The following PKHD1L1 variants were observed in gnomAD, a reference collection of about 807,000 sequenced individuals.
PKHD1L1 encodes PKHD1 like 1.
Under a neutral mutation model 462.9 loss-of-function variants are expected in PKHD1L1, and 434 were observed. The observed-to-expected ratio is 0.94, with a 90% confidence interval of 0.87 to 1.02. The LOEUF (loss-of-function observed/expected upper bound fraction) is 1.02, where lower values mean the gene tolerates loss of function less well. PKHD1L1 is among the 50% of genes least tolerant of loss of function. PKHD1L1 has a pLI of 0.00. For synonymous variants in PKHD1L1, 1,781 were observed against 1,750.0 expected, an observed-to-expected ratio of 1.02 and a Z score of -0.44; for missense variants, 5,202 against 5,096.1, an observed-to-expected ratio of 1.02 and a Z score of -0.63.
At chr8:109,440,548 A>G (rs1392519149) in intron 32 of PKHD1L1, among the ~76,000 whole-genome samples, 162 bp from the exon 33 acceptor site, 6 of 152,106 alleles carry the variant, frequency 3.9e-5, no homozygotes, top group Non-Finnish European at 8.8e-5. Flanking sequence ...CATCCAATCA[A>G]ATCGAGATTA....
rs753054503 is a variant in PKHD1L1 at position 109,480,065 on chromosome 8, G to A, written c.9253G>A (p.Asp3085Asn). The A allele has an allele frequency of 1.3e-6, 2 of 1,589,314 alleles. No individual in the cohort carries two copies. Among genetic ancestry groups the A allele is most frequent in the Non-Finnish European group, 1.7e-6 (2 of 1,167,976 alleles). Residue 3085 changes from aspartate to asparagine, a missense_variant, in exon 55 of 78, where the codon GAT becomes AAT. By Grantham distance (23) the Asp-to-Asn change is conservative (BLOSUM62 1). Transcript: ENST00000378402. ...TATTTGGGGGGTTCTAGAACTGGAA[G>A]ATAAATACAATGTAGGAGCTGCAGA... Reference protein sequence around the residue: ...LIIWGVLELEDKYNVGAAESS... With the variant: ...LIIWGVLELENKYNVGAAESS...
At chr8:109,419,531 G>A (rs1814359719) in intron 22 of PKHD1L1, among the ~76,000 whole-genome samples, 1 of 152,002 alleles carries the variant, frequency 6.6e-6, no homozygotes, top group South Asian at 2.1e-4. Flanking sequence ...AATACACTAT[G>A]TCAAACATTT....
intron 2 of PKHD1L1, among the ~76,000 whole-genome samples, chr8:109,375,329 T>C (rs190365434): frequency 1.3e-5 from 2 of 152,220 alleles, no homozygotes; most frequent in African/African-American, 2.4e-5. Context: ...ACGTAGTTCT[T>C]GTGCCATGGT....
intron 21 of PKHD1L1, among the ~76,000 whole-genome samples, chr8:109,414,251 A>G (rs1343625529): frequency 6.6e-6 from 1 of 152,178 alleles, no homozygotes; most frequent in East Asian, 1.9e-4. Flanking sequence ...TTTCTATTTT[A>G]TACAGTACTC....
At chr8:109,474,553 C>T (rs1434717723) in intron 50 of PKHD1L1, among the ~76,000 whole-genome samples, 1 of 152,066 alleles carries the variant, frequency 6.6e-6, no homozygotes, top group Non-Finnish European at 1.5e-5. Flanking sequence ...TAAATCAAAA[C>T]ACCATTAAAG....
At chr8:109,510,119 C>G (rs989159806) in intron 70 of PKHD1L1, among the ~76,000 whole-genome samples, 1 of 152,064 alleles carries the variant, frequency 6.6e-6, no homozygotes, top group African/African-American at 2.4e-5. Flanking sequence ...CTCTAATAGT[C>G]ATAACTGTCA....
intron 41 of PKHD1L1, 106 bp from the exon 42 acceptor site, chr8:109,452,018 C>T: frequency 2.0e-6 from 2 of 977,144 alleles, no homozygotes; most frequent in Non-Finnish European, 1.4e-6. Flanking sequence ...CTGATAGAAT[C>T]AGGTCATTTT....
Position 109,526,942 on chromosome 8 carries a change from G to C in PKHD1L1, c.12643G>C (p.Val4215Leu), listed in dbSNP as rs1469060344. Reference protein sequence around the residue: ...VGTYAQIMTVVISCLVGRMWL... With the variant: ...VGTYAQIMTVLISCLVGRMWL... ...TACATATGCCCAGATAATGACTGTAGTAATTAGCTGTCTGGTTGGAAGAAT... is the reference window on the plus strand; with the variant it reads ...TACATATGCCCAGATAATGACTGTACTAATTAGCTGTCTGGTTGGAAGAAT... The change falls in exon 77 of 78, where the codon GTA becomes CTA. Residue 4215 changes from valine (V) to leucine (L), a missense_variant. By Grantham distance (32) the Val-to-Leu change is conservative (BLOSUM62 1). Coordinates refer to ENST00000378402, the MANE Select transcript of PKHD1L1 (RefSeq NM_177531.6). 1 of 1,613,846 alleles carries C rather than the reference G, an allele frequency of 6.2e-7. No homozygotes were observed.
Position 109,476,537 on chromosome 8 carries a change from C to T in PKHD1L1, c.8787C>T (p.Asn2929=). Residue 2929 remains asparagine, a synonymous_variant, in exon 52 of 78, where the codon AAC becomes AAT. Coordinates refer to ENST00000378402, the MANE Select transcript of PKHD1L1 (RefSeq NM_177531.6). ...AAGACTATGTAATTATATCACATAA[C>T]TTCACTCAAAATCCTGACATGTTTA... ...KEEDYVIISH[N]FTQNPDMFNI... is the part of the protein sequence containing the mutation. 6.6e-7 allele frequency: 1 copy of T among 1,515,396 alleles called. No individual in the cohort carries two copies. Among genetic ancestry groups the T allele is most frequent in the Non-Finnish European group, 9.0e-7 (1 of 1,109,934 alleles). 93.9% of individuals were successfully genotyped at this position (1,515,396 alleles called of 1,614,324 possible).
chr8:109,470,426 A>C (rs1444913785), intron 50 of PKHD1L1: 1 of 1,598,232 alleles, frequency 6.3e-7, no homozygotes, highest in Non-Finnish European at 8.5e-7. Context: ...ACTGATAAGA[A>C]AGGCAAATCA....
At chr8:109,473,915 G>A (rs1455467456) in intron 50 of PKHD1L1, among the ~76,000 whole-genome samples, 1 of 152,128 alleles carries the variant, frequency 6.6e-6, no homozygotes, top group Admixed American at 6.6e-5. Context: ...ACCTCACTGA[G>A]CAAGCACTTT....
chr8:109,434,379 CAA>C (rs766756268), intron 28 of PKHD1L1, among the ~76,000 whole-genome samples: 8 of 132,768 alleles, frequency 6.0e-5, no homozygotes, highest in Admixed American at 1.5e-4. Flanking sequence ...GGTCACATTT[CAA>C]AAAAAAAAAA....
At chr8:109,375,540 G>A (rs1189865144) in intron 2 of PKHD1L1, among the ~76,000 whole-genome samples, 1 of 152,144 alleles carries the variant, frequency 6.6e-6, no homozygotes, top group African/African-American at 2.4e-5. Context: ...TCCGTTGCTG[G>A]TGAGGAGCTG....
At chr8:109,526,734 A>G (rs1423116493) in intron 76 of PKHD1L1, 50 bp from the exon 77 acceptor site, 1 of 1,439,184 alleles carries the variant, frequency 6.9e-7, no homozygotes, top group Non-Finnish European at 9.5e-7. Context: ...CGGTATGAAA[A>G]CAAGTAAAAC....
intron 24 of PKHD1L1, among the ~76,000 whole-genome samples, chr8:109,426,324 A>G (rs1324434105): frequency 6.6e-6 from 1 of 152,048 alleles, no homozygotes; most frequent in Non-Finnish European, 1.5e-5. Context: ...CTGACACTAA[A>G]AGGATTTTAT....
In PKHD1L1 at chr8:109,438,347, T is replaced by C; in HGVS notation, c.3651T>C (p.Ile1217=). 6.5e-7 allele frequency: 1 copy of C among 1,529,174 alleles called. No homozygotes were observed. Among genetic ancestry groups the C allele is most frequent in the Non-Finnish European group, 8.8e-7 (1 of 1,131,538 alleles). 94.7% of individuals were successfully genotyped at this position (1,529,174 alleles called of 1,614,324 possible). Residue 1217 remains isoleucine, a synonymous_variant, in exon 31 of 78, where the codon ATT becomes ATC. Coordinates refer to ENST00000378402, the MANE Select transcript of PKHD1L1 (RefSeq NM_177531.6). ...TPKKTEGTVD[I]SVTTNGFQAT... The stretch of plus-strand genomic sequence containing the variant: ...AGAAAACTGAGGGTACAGTTGATAT[T>C]TCAGTTACTACCAATGGATTTCAAG...
At chr8:109,429,240 A>G (rs1237195480) in intron 25 of PKHD1L1, 100 bp from the exon 26 acceptor site, 1 of 1,030,102 alleles carries the variant, frequency 9.7e-7, no homozygotes, top group Non-Finnish European at 1.4e-6. Flanking sequence ...ACATTCTTTG[A>G]CTTTTATTCA....
intron 50 of PKHD1L1, chr8:109,470,561 T>C: frequency 6.2e-7 from 1 of 1,602,594 alleles, no homozygotes; most frequent in Non-Finnish European, 8.5e-7. Context: ...GCAGGAACTA[T>C]TCAGCTTAGT....
intron 58 of PKHD1L1, among the ~76,000 whole-genome samples, chr8:109,485,627 CT>C (rs898553894): frequency 6.6e-6 from 1 of 151,972 alleles, no homozygotes; most frequent in Non-Finnish European, 1.5e-5. Flanking sequence ...GAGTTTTCCA[CT>C]TACAGGAGCA....
Sources: gnomAD v4.1 joint callset for allele counts (sites outside exome capture counted in the v4.1 genomes callset) on GRCh38, gnomAD v4.1.1 for gene constraint, MANE v1.5 for transcripts, NCBI Gene and HGNC (gene_info 2026-07-23, HGNC 2026-07-21) for gene names.